RPL15: variants seen among roughly 807,000 people sequenced by gnomAD.
The protein encoded by RPL15 is large ribosomal subunit protein eL15.
For synonymous variants in RPL15, 97 were observed against 95.1 expected (o/e 1.02, Z -0.12); for missense variants, 161 against 271.8 (o/e 0.59, Z 2.87).
chr3:23,918,963 C>G (rs1704895685), intron 3 of RPL15: 3 of 561,850 alleles, frequency 5.3e-6, no homozygotes, highest in Non-Finnish European at 6.3e-6. Flanking sequence ...CTGCCCTAGT[C>G]AGGAATGGAG....
At chr3:23,923,128 T>G (rs993699700), downstream of RPL15, 1 of 152,068 alleles carries the variant, frequency 6.6e-6, no homozygotes, top group Non-Finnish European at 1.5e-5. Context: ...TTCCTTTTCT[T>G]CCCCAAGTGG....
chr3:23,919,711 T>C lies in RPL15; in HGVS notation c.*210T>C. 1 of 1,376,192 alleles carries C rather than the reference T, an allele frequency of 7.3e-7. No individual in the cohort carries two copies. The highest frequency in any genetic ancestry group is 1.8e-5 in the South Asian group (1 of 54,352). The allele number at this position is 1,376,192 out of a possible 1,614,324, so 85.2% of individuals were successfully genotyped here. Reference sequence around the variant, plus strand: ...GATAAACTTTTTTGTCTTTGCTTTATCTTATTAGGGAGTTGTATGTCAGTG... The same window carrying C: ...GATAAACTTTTTTGTCTTTGCTTTACCTTATTAGGGAGTTGTATGTCAGTG... On this transcript the variant is annotated 3_prime_UTR_variant, in exon 4 of 4. Coordinates refer to ENST00000307839, the MANE Select transcript of RPL15 (RefSeq NM_002948.5).
rs1293433650 is a variant in RPL15, at chr3:23,920,226, A to G, written c.*725A>G. 4 of 985,750 alleles carry G rather than the reference A, an allele frequency of 4.1e-6. No homozygotes were observed. The African/African-American group carries it at 7.0e-5, about 17-fold the overall frequency. The allele number at this position is 985,750 out of a possible 1,614,324, so 61.1% of individuals were successfully genotyped here. On this transcript the variant is annotated 3_prime_UTR_variant, in exon 4 of 4. Transcript: ENST00000307839. ...GTCAACCCTAAAATACTTAACCGTAATGCTAATTGTGATCATTATGAATCC... is the reference window on the plus strand; with the variant it reads ...GTCAACCCTAAAATACTTAACCGTAGTGCTAATTGTGATCATTATGAATCC...
At chr3:23,918,974 T>TTTC in intron 3 of RPL15, 1 of 583,954 alleles carries the variant, frequency 1.7e-6, no homozygotes, top group Non-Finnish European at 3.0e-6. Flanking sequence ...AGGAATGGAG[T>TTTC]ATTAAGAGGG....
Position 23,919,427 on chromosome 3 carries a change from C to T in RPL15, c.541C>T (p.His181Tyr). 5 of 1,604,764 alleles carry T rather than the reference C, an allele frequency of 3.1e-6. No individual in the cohort carries two copies. The highest frequency in any genetic ancestry group is 4.2e-6 in the Non-Finnish European group (5 of 1,179,976). ...TGGCCTTGGAAAGGGCCACAAGTTC[C>T]ACCACACTATTGGTGGCTCTCGCCG... is the stretch of plus-strand genomic sequence containing the variant. ...SRGLGKGHKF[H>Y]HTIGGSRRAA... Residue 181 changes from histidine to tyrosine, a missense_variant, in exon 4 of 4, where the codon CAC becomes TAC. Physicochemically the swap from His to Tyr is moderately conservative, Grantham distance 83. Transcript: ENST00000307839.
Position 23,919,638 on chromosome 3 carries a change from C to G in RPL15, c.*137C>G. On this transcript the variant is annotated 3_prime_UTR_variant, in exon 4 of 4. Transcript: ENST00000307839. ...TTGTCAAATTAAGAAAGTTAAAGTG[C>G]AATAATGTTTGAAGACAATAAGTGG... is the stretch of plus-strand genomic sequence containing the variant. 1.5e-5 allele frequency: 21 copies of G among 1,420,178 alleles called. No individual in the cohort carries two copies. Among genetic ancestry groups the G allele is most frequent in the Non-Finnish European group, 1.9e-5 (21 of 1,091,732 alleles). 88.0% of individuals were successfully genotyped at this position (1,420,178 alleles called of 1,614,324 possible).
upstream of RPL15, chr3:23,916,910 G>C (rs1239262471): frequency 6.5e-6 from 1 of 152,740 alleles, no homozygotes; most frequent in Non-Finnish European, 1.5e-5. Flanking sequence ...TAGCCGCCGA[G>C]ACCTCGCCGC....
At position 23,920,564 on chromosome 3, in the gene RPL15, G is replaced by T; in HGVS notation, c.*1063G>T. 1 of 985,284 alleles carries T rather than the reference G, an allele frequency of 1.0e-6. No homozygotes were observed. The highest frequency in any genetic ancestry group is 1.2e-6 in the Non-Finnish European group (1 of 829,856). 61.0% of individuals were successfully genotyped at this position (985,284 alleles called of 1,614,324 possible). On this transcript the variant is annotated 3_prime_UTR_variant, in exon 4 of 4. Coordinates refer to ENST00000307839, the MANE Select transcript of RPL15 (RefSeq NM_002948.5). ...GGAGACTAGACTACTGTTGTCCAGG[G>T]TCAATTTGAGTGTAAAGAAAATGTA...
downstream of RPL15, chr3:23,921,694 C>T: frequency 1.5e-6 from 1 of 661,462 alleles, no homozygotes. Context: ...TCTGCCTCGG[C>T]CTCCCAAATA....
In RPL15 at chr3:23,920,378, A is replaced by G. The variant is rs879313225; in HGVS notation, c.*877A>G. The stretch of plus-strand genomic sequence containing the variant: ...AGGCTACAGAAAAAGTCACAAGCGC[A>G]TGGTTTCCAACCATATGTGTTTTCT... On this transcript the variant is annotated 3_prime_UTR_variant, in exon 4 of 4. Coordinates refer to ENST00000307839, the MANE Select transcript of RPL15 (RefSeq NM_002948.5). 1.3e-5 allele frequency: 13 copies of G among 985,298 alleles called. No homozygotes were observed. The highest frequency in any genetic ancestry group is 3.5e-5 in the African/African-American group (2 of 57,234). 61.0% of individuals were successfully genotyped at this position (985,298 alleles called of 1,614,324 possible).
intron 3 of RPL15, 127 bp from the exon 4 acceptor site, chr3:23,919,069 A>C: frequency 1.5e-6 from 1 of 659,494 alleles, no homozygotes; most frequent in South Asian, 1.9e-5. Flanking sequence ...AGAAATGCTT[A>C]GTAAATAACT....
Position 23,918,549 on chromosome 3 carries a change from T to C in RPL15, c.282T>C (p.Phe94=), listed in dbSNP as rs143514719. 8.6e-4 allele frequency: 1,388 copies of C among 1,614,034 alleles called. 15 individuals are homozygous for C. In the South Asian group the frequency reaches 8.8e-3, roughly 10 times the overall value. The change falls in exon 3 of 4, where the codon TTT becomes TTC. Residue 94 remains phenylalanine (F), a synonymous_variant. Transcript: ENST00000307839. ...ATCATGGTGTTAACCAGCTAAAGTT[T>C]GCTCGAAGCCTTCAGTCCGTTGCAG... ...PVHHGVNQLK[F]ARSLQSVAEE...
At chr3:23,916,741 CAG>C (rs1704554444), upstream of RPL15, 3 of 152,854 alleles carry the variant, frequency 2.0e-5, no homozygotes, top group Admixed American at 2.0e-4. Flanking sequence ...CGCGGAGACG[CAG>C]AGACTCCGCA....
chr3:23,917,534 G>A (rs1329759217), intron 1 of RPL15: 1 of 241,402 alleles, frequency 4.1e-6, no homozygotes, highest in East Asian at 1.0e-4. Flanking sequence ...TGATGTCAGC[G>A]GCATCTCCTT....
In RPL15 at chr3:23,919,731, T is replaced by G. The variant is rs1704967476; in HGVS notation, c.*230T>G. On this transcript the variant is annotated 3_prime_UTR_variant, in exon 4 of 4. Coordinates refer to ENST00000307839, the MANE Select transcript of RPL15 (RefSeq NM_002948.5). Reference sequence around the variant, plus strand: ...CTTTATCTTATTAGGGAGTTGTATGTCAGTGTATAAAACATACTGTGTGGT... The same window carrying G: ...CTTTATCTTATTAGGGAGTTGTATGGCAGTGTATAAAACATACTGTGTGGT... 7.4e-7 allele frequency: 1 copy of G among 1,346,850 alleles called. No individual in the cohort carries two copies. The highest frequency in any genetic ancestry group is 3.3e-5 in the Admixed American group (1 of 30,194). The allele number at this position is 1,346,850 out of a possible 1,614,324, so 83.4% of individuals were successfully genotyped here. A position where few individuals can be genotyped will look rare whatever the true frequency, so the allele number is the denominator to read the frequency against.
At chr3:23,922,409 T>C (rs1265814207), downstream of RPL15, 1 of 152,264 alleles carries the variant, frequency 6.6e-6, no homozygotes, top group East Asian at 1.9e-4. This position sits in a 1 kb window ranked among gnomAD's most constrained non-coding sequence, Gnocchi z 4.2. Context: ...TTGTTTTGGT[T>C]TTTTTTGAGA....
At chr3:23,918,336 C>T in intron 2 of RPL15, 104 bp from the exon 3 acceptor site, 1 of 1,318,826 alleles carries the variant, frequency 7.6e-7, no homozygotes, top group Non-Finnish European at 1.0e-6. Flanking sequence ...ATAGCATTAA[C>T]TTACTGTTGA....
intron 1 of RPL15, chr3:23,917,515 C>G (rs532533815): frequency 1.9e-5 from 4 of 212,290 alleles, no homozygotes; most frequent in Non-Finnish European, 3.8e-5. Context: ...GCAGCAGTAC[C>G]TTGTCCTGTG....
intron 1 of RPL15, 62 bp from the exon 2 acceptor site, chr3:23,917,788 G>T (rs1704730514): frequency 6.8e-7 from 1 of 1,473,942 alleles, no homozygotes; most frequent in Non-Finnish European, 9.2e-7. Flanking sequence ...TAAGATGGAC[G>T]GATACAGTCG....
Sources: allele counts gnomAD v4.1 joint callset, GRCh38; gene constraint gnomAD v4.1.1; non-coding constraint Gnocchi (gnomAD v3.1); transcripts MANE v1.5; gene names NCBI Gene and HGNC (gene_info 2026-07-23, HGNC 2026-07-21).